FRMD6: variants seen among roughly 807,000 people sequenced by gnomAD.
FRMD6 encodes FERM domain containing 6, also known as FERM domain-containing protein 6.
FRMD6 carries 37 observed loss-of-function variants against 73.2 expected under a neutral mutation model. The observed-to-expected ratio is 0.51, with a 90% CI of 0.39 to 0.66. The LOEUF is 0.66. FRMD6 is among the 30% of genes least tolerant of loss of function. The pLI is 0.00. For synonymous variants in FRMD6, 273 were observed against 282.2 expected (o/e 0.97, Z 0.33); for missense variants, 714 against 780.5 (o/e 0.91, Z 1.02).
chr14:51,685,809 G>T (rs1895110787), intron 1 of FRMD6, among the ~76,000 whole-genome samples: 1 of 128,948 alleles, frequency 7.8e-6, no homozygotes, highest in South Asian at 2.4e-4. Context: ...ATAGGTGGAG[G>T]GGGAGTATCT....
intron 1 of FRMD6, chr14:51,522,997 A>G (rs1885032967): frequency 1.3e-5 from 2 of 152,228 alleles, no homozygotes; most frequent in South Asian, 2.1e-4. Context: ...CATGATCTGC[A>G]TGGGATTAAA....
intron 1 of FRMD6, among the ~76,000 whole-genome samples, chr14:51,539,095 T>A (rs1886065534): frequency 1.3e-5 from 2 of 152,122 alleles, no homozygotes; most frequent in South Asian, 4.1e-4. Flanking sequence ...CTGCTTCCAC[T>A]TTGCACTACT....
rs760530135 is a variant in FRMD6 at position 51,534,736 on chromosome 14, G to A, written c.-209-35612G>A. Among the ~76,000 whole-genome samples the A allele has an allele frequency of 4.3e-4, 65 of 152,190 alleles. 1 individual carries two copies. Among genetic ancestry groups the A allele is most frequent in the Admixed American group, 2.0e-3 (31 of 15,282 alleles). On this transcript the variant is annotated intron_variant, in intron 1 of 14. Transcript: ENST00000356218. Reference sequence around the variant, plus strand: ...AATATCTGCTACCACAGGAAGTCGGGCAGGAAGCAGTTGGACAAAGGCCTG... The same window carrying A: ...AATATCTGCTACCACAGGAAGTCGGACAGGAAGCAGTTGGACAAAGGCCTG...
intron 1 of FRMD6, among the ~76,000 whole-genome samples, chr14:51,654,056 T>C (rs1487313049): frequency 6.6e-6 from 1 of 152,166 alleles, no homozygotes; most frequent in Non-Finnish European, 1.5e-5. Context: ...CAAGACATTT[T>C]AAGGGGCAGG....
chr14:51,534,778 CAG>C (rs1478279233), intron 1 of FRMD6, among the ~76,000 whole-genome samples: 6 of 152,190 alleles, frequency 3.9e-5, no homozygotes, highest in African/African-American at 1.4e-4. Context: ...AGCTGTGCAG[CAG>C]AGTCATTTGT....
At chr14:51,702,425 G>T (rs1896379699) in intron 4 of FRMD6, 87 bp from the exon 5 acceptor site, 4 of 1,035,154 alleles carry the variant, frequency 3.9e-6, no homozygotes, top group Non-Finnish European at 6.0e-6. Flanking sequence ...AAAGTATCTT[G>T]CAAATAATTG....
At chr14:51,707,619 C>T (rs1195773825) in intron 6 of FRMD6, among the ~76,000 whole-genome samples, 1 of 152,116 alleles carries the variant, frequency 6.6e-6, no homozygotes, top group African/African-American at 2.4e-5. Flanking sequence ...AGTACCCTGC[C>T]TTCTTTTGAT....
At chr14:51,555,408 A>C (rs1334467364) in intron 1 of FRMD6, among the ~76,000 whole-genome samples, 1 of 152,230 alleles carries the variant, frequency 6.6e-6, no homozygotes, top group South Asian at 2.1e-4. Context: ...TGATTTTCAC[A>C]ATTGGGCTAT....
At chr14:51,461,261 G>A in the FRMD6 span, among the ~76,000 whole-genome samples, 1 of 152,206 alleles carries the variant, frequency 6.6e-6, no homozygotes, top group African/African-American at 2.4e-5. Context: ...TTAGACTACA[G>A]CAAGGTACTT....
upstream of FRMD6, chr14:51,651,897 G>C (rs921203931): frequency 3.2e-4 from 49 of 152,244 alleles, no homozygotes; most frequent in African/African-American, 1.1e-3. Context: ...GGCTGGCGGG[G>C]CCAAGGGGCT....
chr14:51,629,940 C>T (rs1891273114), intron 2 of FRMD6, among the ~76,000 whole-genome samples: 1 of 152,164 alleles, frequency 6.6e-6, no homozygotes, highest in Non-Finnish European at 1.5e-5. Flanking sequence ...TGTTAAGCTG[C>T]TGTTGCTGCT....
the FRMD6 span, among the ~76,000 whole-genome samples, chr14:51,479,201 G>A: frequency 6.6e-6 from 1 of 152,016 alleles, no homozygotes; most frequent in Non-Finnish European, 1.5e-5. Context: ...AATCACATAG[G>A]GCCACTTTTA....
chr14:51,552,662 A>T lies in FRMD6; in HGVS notation c.-209-17686A>T, dbSNP rs575747239. ...TTTTCTTTCTTCAGGAGAAGTAAAA[A>T]ACTTGAAAAATTATGTGAAATTCTT... On this transcript the variant is annotated intron_variant, in intron 1 of 14. Coordinates refer to the FRMD6 transcript ENST00000356218. 3.5e-4 allele frequency among the ~76,000 whole-genome samples: 53 copies of T among 152,360 alleles called. No homozygotes were observed. In the South Asian group the frequency reaches 4.3e-3, roughly 12 times the overall value.
intron 1 of FRMD6, among the ~76,000 whole-genome samples, chr14:51,502,069 G>A (rs1596502192): frequency 6.6e-6 from 1 of 152,148 alleles, no homozygotes; most frequent in African/African-American, 2.4e-5. Context: ...CTTTAATAGG[G>A]TTGTTTTTTT....
chr14:51,443,719 C>A, the FRMD6 span, among the ~76,000 whole-genome samples: 1 of 152,112 alleles, frequency 6.6e-6, no homozygotes, highest in Non-Finnish European at 1.5e-5. Flanking sequence ...CAAGAGAAAT[C>A]GTACAAAAGA....
chr14:51,611,678 C>A (rs78443615), intron 2 of FRMD6, among the ~76,000 whole-genome samples: 1 of 152,178 alleles, frequency 6.6e-6, no homozygotes, highest in Admixed American at 6.5e-5. Flanking sequence ...CCAGATGATG[C>A]GCATGCTGTC....
At chr14:51,446,891 T>A in the FRMD6 span, among the ~76,000 whole-genome samples, 2 of 152,124 alleles carry the variant, frequency 1.3e-5, no homozygotes, top group Non-Finnish European at 1.5e-5. Flanking sequence ...GGAGAGGAGA[T>A]CCATCATGAC....
chr14:51,570,029 A>C (rs778528832), intron 1 of FRMD6, among the ~76,000 whole-genome samples: 2 of 151,840 alleles, frequency 1.3e-5, no homozygotes, highest in African/African-American at 4.8e-5. Flanking sequence ...GTTAGCCAGG[A>C]TGGTCTCGAT....
chr14:51,656,164 T>C (rs1267518743), intron 1 of FRMD6, among the ~76,000 whole-genome samples: 1 of 152,232 alleles, frequency 6.6e-6, no homozygotes, highest in African/African-American at 2.4e-5. Flanking sequence ...AGTTTGTGTA[T>C]GATCACTTTT....
Sources: allele counts gnomAD v4.1 joint callset (sites outside exome capture counted in the v4.1 genomes callset), GRCh38; gene constraint gnomAD v4.1.1; transcripts MANE v1.5; gene names NCBI Gene and HGNC (gene_info 2026-07-23, HGNC 2026-07-21).